RGS6: variants seen among roughly 807,000 people sequenced by gnomAD.
RGS6 encodes the protein regulator of G-protein signaling 6.
In RGS6, 30 loss-of-function variants were observed where a neutral mutation model predicts 78.5. The observed-to-expected ratio is 0.38, with a 90% CI of 0.29 to 0.52. The LOEUF is 0.52. Among genes scored for constraint, RGS6 ranks in the 20% least tolerant of loss-of-function variants. RGS6 has a pLI of 0.85. For missense variants in RGS6, 495 were observed against 609.7 expected (o/e 0.81, Z 1.98); for synonymous variants, 206 against 206.0 (o/e 1.00, Z 0.00).
intron 2 of RGS6, among the ~76,000 whole-genome samples, chr14:72,071,996 C>G (rs1051612405): frequency 3.3e-5 from 5 of 152,198 alleles, no homozygotes; most frequent in African/African-American, 1.2e-4. Flanking sequence ...AGGTGTAATA[C>G]TTGTAAATTT....
chr14:72,197,542 A>T (rs2040477555), intron 2 of RGS6, among the ~76,000 whole-genome samples: 1 of 152,346 alleles, frequency 6.6e-6, no homozygotes, highest in Non-Finnish European at 1.5e-5. Context: ...GGTAGGGAGT[A>T]CCAGAGACCC....
At chr14:72,159,788 C>T (rs936426841) in intron 2 of RGS6, among the ~76,000 whole-genome samples, 4 of 152,050 alleles carry the variant, frequency 2.6e-5, no homozygotes, top group Non-Finnish European at 2.9e-5. Context: ...CTTATTGCAT[C>T]GTCAAGCATG....
intron 2 of RGS6, among the ~76,000 whole-genome samples, chr14:72,142,698 G>T (rs2096556606): frequency 1.3e-5 from 2 of 152,138 alleles, no homozygotes; most frequent in Non-Finnish European, 2.9e-5. Context: ...ATATAACCTA[G>T]TCCATGTTTT....
At chr14:72,509,481 C>T (rs11623448) in intron 13 of RGS6, among the ~76,000 whole-genome samples, 14,471 of 152,090 alleles carry the variant, frequency 0.095, 787 homozygotes, top group South Asian at 0.16. Context: ...GAGACCTCAC[C>T]TTCCCTATCT....
intron 2 of RGS6, among the ~76,000 whole-genome samples, chr14:72,150,491 C>T (rs898636129): frequency 6.6e-6 from 1 of 152,030 alleles, no homozygotes; most frequent in African/African-American, 2.4e-5. Context: ...TCCATTCTCA[C>T]ACTGCTATAA....
intron 3 of RGS6, among the ~76,000 whole-genome samples, chr14:72,415,333 C>G (rs1334485666): frequency 6.6e-6 from 1 of 152,252 alleles, no homozygotes; most frequent in African/African-American, 2.4e-5. Context: ...ATAGGACTCT[C>G]CAAGCCAGGT....
intron 2 of RGS6, among the ~76,000 whole-genome samples, chr14:72,141,334 G>T (rs182789151): frequency 7.9e-4 from 120 of 152,214 alleles, no homozygotes; most frequent in Middle Eastern, 3.4e-3. Context: ...TGTTGCCCTT[G>T]AGTACTCAGT....
the RGS6 span, among the ~76,000 whole-genome samples, chr14:72,574,536 G>A: frequency 6.6e-6 from 1 of 152,230 alleles, no homozygotes; most frequent in Non-Finnish European, 1.5e-5. Context: ...AAGTCTATGA[G>A]CGCTTATTGA....
intron 2 of RGS6, among the ~76,000 whole-genome samples, chr14:72,247,105 C>T (rs760949447): frequency 3.9e-5 from 6 of 152,142 alleles, no homozygotes; most frequent in African/African-American, 7.2e-5. Flanking sequence ...AAATAACTTC[C>T]GTGAAGACTT....
intron 3 of RGS6, among the ~76,000 whole-genome samples, chr14:72,382,414 A>G (rs2086407479): frequency 3.9e-5 from 6 of 152,194 alleles, no homozygotes; most frequent in Admixed American, 3.9e-4. Flanking sequence ...TTAATTCACT[A>G]AACTGGAAAA....
intron 2 of RGS6, among the ~76,000 whole-genome samples, chr14:72,263,957 G>A (rs1480112994): frequency 6.6e-6 from 1 of 152,202 alleles, no homozygotes; most frequent in African/African-American, 2.4e-5. Flanking sequence ...TCTAATTTCA[G>A]AAAGGCCATA....
chr14:72,284,326 AT>A (rs1346245623), intron 2 of RGS6, among the ~76,000 whole-genome samples: 3 of 150,286 alleles, frequency 2.0e-5, no homozygotes, highest in Non-Finnish European at 4.4e-5. Flanking sequence ...CTTTGCTCCC[AT>A]TACAGGCCCA....
intron 2 of RGS6, among the ~76,000 whole-genome samples, chr14:72,216,942 C>A (rs2045727403): frequency 6.6e-6 from 1 of 152,018 alleles, no homozygotes; most frequent in South Asian, 2.1e-4. Context: ...ATAACTTTGA[C>A]CTTTTGGTAA....
chr14:72,302,903 A>G (rs1274077123), intron 2 of RGS6, among the ~76,000 whole-genome samples: 2 of 152,152 alleles, frequency 1.3e-5, no homozygotes, highest in Non-Finnish European at 2.9e-5. Flanking sequence ...TTCTCGTGAT[A>G]GTGAATAAGT....
chr14:71,927,965 C>CT (rs1012397767), upstream of RGS6, among the ~76,000 whole-genome samples: 19 of 151,328 alleles, frequency 1.3e-4, no homozygotes, highest in Admixed American at 2.6e-4. Flanking sequence ...GCCAAGAATC[C>CT]TTTTTTTTTA....
At chr14:72,071,037 A>T (rs1427312883) in intron 2 of RGS6, among the ~76,000 whole-genome samples, 1 of 152,144 alleles carries the variant, frequency 6.6e-6, no homozygotes, top group Non-Finnish European at 1.5e-5. Flanking sequence ...GTAAATTACC[A>T]GATATATTGG....
intron 2 of RGS6, among the ~76,000 whole-genome samples, chr14:72,013,272 A>G (rs1431370806): frequency 1.6e-4 from 1 of 6,206 alleles, no homozygotes; most frequent in Non-Finnish European, 3.2e-4. Flanking sequence ...CTCCGTCTCC[A>G]AAAAAAAAAA....
At chr14:71,894,989 C>T in the RGS6 span, among the ~76,000 whole-genome samples, 1 of 151,882 alleles carries the variant, frequency 6.6e-6, no homozygotes, top group African/African-American at 2.4e-5. Flanking sequence ...GTCTTGAACT[C>T]CCGACCTCAG....
intron 2 of RGS6, among the ~76,000 whole-genome samples, chr14:72,263,818 C>A (rs2058584872): frequency 6.6e-6 from 1 of 152,176 alleles, no homozygotes; most frequent in Non-Finnish European, 1.5e-5. Context: ...TATCAGCCAC[C>A]CAGTTGGTGG....
Sources: gnomAD v4.1 joint callset for allele counts (sites outside exome capture counted in the v4.1 genomes callset) on GRCh38, gnomAD v4.1.1 for gene constraint, MANE v1.5 for transcripts, NCBI Gene and HGNC (gene_info 2026-07-23, HGNC 2026-07-21) for gene names.